The following GABRA5 variants were observed in gnomAD, a reference collection of about 807,000 sequenced individuals.
GABRA5 encodes the protein gamma-aminobutyric acid receptor subunit alpha-5.
Under a neutral mutation model 47.3 loss-of-function variants are expected in GABRA5, and 18 were observed. The observed-to-expected ratio is 0.38, with a 90% CI of 0.26 to 0.56. The LOEUF is 0.56. Among genes scored for constraint, GABRA5 ranks in the 20% least tolerant of loss-of-function variants. GABRA5 has a pLI of 0.71. For synonymous variants in GABRA5, 237 were observed against 229.3 expected (o/e 1.03, Z -0.30); for missense variants, 365 against 599.3 (o/e 0.61, Z 4.08).
chr15:26,899,002 T>C (rs1893265062), intron 6 of GABRA5, among the ~76,000 whole-genome samples: 2 of 152,090 alleles, frequency 1.3e-5, no homozygotes, highest in South Asian at 4.1e-4. Context: ...TTCCAAGTAG[T>C]TAGGCACATG....
At chr15:26,894,339 A>G (rs1893124088) in intron 6 of GABRA5, among the ~76,000 whole-genome samples, 1 of 152,064 alleles carries the variant, frequency 6.6e-6, no homozygotes, top group Non-Finnish European at 1.5e-5. Context: ...CCACCCCTTC[A>G]CAGGCCGCGC....
In GABRA5 at chr15:26,914,792, T is replaced by C; in HGVS notation, c.498-11T>C. ...AGAGTCGTTCAAAGGTCTTCATCTT[T>C]TATTTTTCAGCTTGACCATCTCTGC... On this transcript the variant is annotated splice_polypyrimidine_tract_variant and intron_variant, in intron 6 of 10. Coordinates refer to ENST00000335625, the MANE Select transcript of GABRA5 (RefSeq NM_000810.4). The C allele has an allele frequency of 6.2e-7, 1 of 1,611,784 alleles. No individual in the cohort carries two copies. The highest frequency in any genetic ancestry group is 8.5e-7 in the Non-Finnish European group (1 of 1,177,896).
At chr15:26,923,610 T>A (rs142784797) in intron 7 of GABRA5, among the ~76,000 whole-genome samples, 275 of 152,308 alleles carry the variant, frequency 1.8e-3, no homozygotes, top group African/African-American at 6.1e-3. Context: ...ACCAATAGCC[T>A]TTCTGGTGTG....
chr15:26,869,531 G>C (rs1397765183), intron 3 of GABRA5, among the ~76,000 whole-genome samples, 197 bp downstream of exon 3: 1 of 152,138 alleles, frequency 6.6e-6, no homozygotes, highest in Non-Finnish European at 1.5e-5. Context: ...TCCTCACGTG[G>C]GGTCTCTGAA....
chr15:26,939,089 A>G (rs1894319103), intron 8 of GABRA5: 2 of 666,404 alleles, frequency 3.0e-6, no homozygotes, highest in Non-Finnish European at 5.4e-6. Context: ...ACTCCTCGCA[A>G]TTCAGCCAAA....
intron 7 of GABRA5, 93 bp from the exon 8 acceptor site, chr15:26,937,092 T>C (rs1894260833): frequency 6.8e-7 from 1 of 1,472,278 alleles, no homozygotes; most frequent in Non-Finnish European, 9.5e-7. Context: ...AACGTTCTCA[T>C]CCTCTCTCTT....
At position 26,867,097 on chromosome 15, in the gene GABRA5, T is replaced by C. The variant is rs1595387559; in HGVS notation, c.-154T>C. 2.6e-5 allele frequency: 4 copies of C among 152,112 alleles called. No individual in the cohort carries two copies. The highest frequency in any genetic ancestry group is 2.4e-5 in the African/African-American group (1 of 41,330). 9.4% of individuals were successfully genotyped at this position (152,112 alleles called of 1,614,324 possible). ...GATCCTCCAGCCCAGAGACGACATG[T>C]GGCGCTCGGGCGAGGTGAGAGCGGG... On this transcript the variant is annotated 5_prime_UTR_variant, in exon 1 of 11. Transcript: ENST00000335625. This position sits in a 1 kb window ranked among gnomAD's most constrained non-coding sequence, Gnocchi z 5.9.
intron 6 of GABRA5, among the ~76,000 whole-genome samples, chr15:26,896,494 T>A (rs1893196762): frequency 6.6e-6 from 1 of 152,232 alleles, no homozygotes; most frequent in African/African-American, 2.4e-5. Flanking sequence ...AATTTGTTTT[T>A]ATTTTTCTAG....
chr15:26,924,807 C>T (rs1893922437), intron 7 of GABRA5, among the ~76,000 whole-genome samples: 1 of 152,124 alleles, frequency 6.6e-6, no homozygotes, highest in Non-Finnish European at 1.5e-5. Flanking sequence ...GGCTAGATCG[C>T]ACAGGCATCA....
chr15:26,886,871 C>T (rs1389555197), intron 6 of GABRA5, among the ~76,000 whole-genome samples: 3 of 152,172 alleles, frequency 2.0e-5, no homozygotes, highest in Non-Finnish European at 2.9e-5. Flanking sequence ...AATAGTTCCA[C>T]TTCCAAGTGT....
intron 6 of GABRA5, among the ~76,000 whole-genome samples, chr15:26,886,884 T>C (rs1163112874): frequency 2.6e-5 from 4 of 152,224 alleles, no homozygotes; most frequent in African/African-American, 4.8e-5. Flanking sequence ...CCAAGTGTTA[T>C]GAATTTTAAT....
chr15:26,946,579 C>T (rs911839366), intron 10 of GABRA5, among the ~76,000 whole-genome samples: 5 of 151,936 alleles, frequency 3.3e-5, no homozygotes, highest in African/African-American at 9.7e-5. Context: ...TAGTGTGAAA[C>T]GCACAAGTAC....
intron 7 of GABRA5, among the ~76,000 whole-genome samples, chr15:26,927,951 A>G (rs1285691200): frequency 6.6e-6 from 1 of 152,236 alleles, no homozygotes; most frequent in Admixed American, 6.5e-5. Context: ...TCAGCTTACA[A>G]AAGGATGTTT....
chr15:26,948,329 A>G lies in GABRA5; in HGVS notation c.*96A>G, dbSNP rs977446901. On this transcript the variant is annotated 3_prime_UTR_variant, in exon 11 of 11. Coordinates refer to ENST00000335625, the MANE Select transcript of GABRA5 (RefSeq NM_000810.4). The stretch of plus-strand genomic sequence containing the variant: ...CAGGGACTCTCCATATGTGAGCACT[A>G]TCTTTCAGGAAATTTTTGCATGTTT... 37 of 1,175,978 alleles carry G rather than the reference A, an allele frequency of 3.1e-5. No individual in the cohort carries two copies. Among genetic ancestry groups the G allele is most frequent in the Non-Finnish European group, 4.1e-5 (35 of 845,366 alleles). The allele number at this position is 1,175,978 out of a possible 1,614,324, so 72.8% of individuals were successfully genotyped here.
At chr15:26,928,511 A>G (rs8026604) in intron 7 of GABRA5, among the ~76,000 whole-genome samples, 3,281 of 152,132 alleles carry the variant, frequency 0.022, 115 homozygotes, top group African/African-American at 0.076. Flanking sequence ...CCCAATCCCC[A>G]GTGTATTAAG....
intron 10 of GABRA5, 87 bp downstream of exon 10, chr15:26,943,513 C>A: frequency 8.3e-7 from 1 of 1,208,062 alleles, no homozygotes; most frequent in Non-Finnish European, 1.2e-6. Context: ...CAAGGTGCTG[C>A]TCCTTCCTAC....
At chr15:26,881,713 AT>A (rs1314362801) in intron 4 of GABRA5, among the ~76,000 whole-genome samples, 1 of 151,082 alleles carries the variant, frequency 6.6e-6, no homozygotes, top group Admixed American at 6.6e-5. Context: ...TTTTTTTTTT[AT>A]TTGAGATGGA....
At position 26,911,773 on chromosome 15, in the gene GABRA5, G is replaced by A. The variant is rs375807138; in HGVS notation, c.498-3030G>A. 7.2e-5 allele frequency among the ~76,000 whole-genome samples: 11 copies of A among 152,198 alleles called. No individual in the cohort carries two copies. In the East Asian group the frequency reaches 1.5e-3, roughly 21 times the overall value. Reference sequence around the variant, plus strand: ...CAGAGCAATGGGTTGGGGGTAACTCGGACTCTCCAAGTTGTCAGGAATTCA... The same window carrying A: ...CAGAGCAATGGGTTGGGGGTAACTCAGACTCTCCAAGTTGTCAGGAATTCA... On this transcript the variant is annotated intron_variant, in intron 6 of 10. Coordinates refer to ENST00000335625, the MANE Select transcript of GABRA5 (RefSeq NM_000810.4).
intron 6 of GABRA5, among the ~76,000 whole-genome samples, chr15:26,900,613 C>T (rs1893305023): frequency 1.3e-5 from 2 of 151,902 alleles, no homozygotes; most frequent in South Asian, 2.1e-4. Flanking sequence ...TTCCATAAAC[C>T]CCTGTCCCTA....
Sources: gnomAD v4.1 joint callset for allele counts (sites outside exome capture counted in the v4.1 genomes callset) on GRCh38, gnomAD v4.1.1 for gene constraint, Gnocchi (gnomAD v3.1) non-coding constraint, MANE v1.5 for transcripts, NCBI Gene and HGNC (gene_info 2026-07-23, HGNC 2026-07-21) for gene names.